Variants in SPATA7 observed in about 807,000 individuals in gnomAD.
SPATA7 encodes the protein spermatogenesis-associated protein 7.
Under a neutral mutation model 51.8 loss-of-function variants are expected in SPATA7, and 43 were observed. The observed-to-expected ratio is 0.83, with a 90% CI of 0.65 to 1.07. The LOEUF (loss-of-function observed/expected upper bound fraction) is 1.07. SPATA7 is among the 50% of genes least tolerant of loss of function. The pLI, the probability that SPATA7 is intolerant of heterozygous loss-of-function variation, is 0.00. For synonymous variants in SPATA7, 230 were observed against 252.8 expected (o/e 0.91, Z 0.86); for missense variants, 683 against 701.3 (o/e 0.97, Z 0.30).
At chr14:88,436,375 T>C (rs1390951387) in intron 10 of SPATA7, among the ~76,000 whole-genome samples, 1 of 152,200 alleles carries the variant, frequency 6.6e-6, no homozygotes, top group Non-Finnish European at 1.5e-5. Context: ...ATTCTGTGGA[T>C]TGTCTCTTCA....
In SPATA7 at chr14:88,438,013, G is replaced by T; in HGVS notation, c.1391G>T (p.Arg464Leu). The T allele has an allele frequency of 1.2e-6, 2 of 1,614,018 alleles. No homozygotes were observed. The highest frequency in any genetic ancestry group is 1.7e-6 in the Non-Finnish European group (2 of 1,179,990). ...NESEVTIQQE[R>L]QQYQKALDML... ...AGTGAAGTAACAATTCAGCAGGAAC[G>T]TCAACAATACCAAAAGGCTTTGGAT... The change falls in exon 12 of 12, where the codon CGT (arginine) becomes CTT (leucine). Residue 464 changes from arginine to leucine, a missense_variant. Arg to Leu is a moderately radical substitution (Grantham distance 102). Transcript: ENST00000393545.
chr14:88,454,449 G>C (rs185596889), intron 3 of SPATA7, among the ~76,000 whole-genome samples: 252 of 152,266 alleles, frequency 1.7e-3, no homozygotes, highest in Non-Finnish European at 3.0e-3. Context: ...TTAGGATATG[G>C]ACATATCTGG....
intron 8 of SPATA7, among the ~76,000 whole-genome samples, chr14:88,430,657 T>C (rs2076915357): frequency 1.3e-5 from 2 of 152,146 alleles, no homozygotes; most frequent in Non-Finnish European, 2.9e-5. Context: ...GTAGTGTAGT[T>C]TTAAAAAGAA....
In SPATA7 at chr14:88,438,415, A is replaced by T. The variant is rs1456797595; in HGVS notation, c.1793A>T (p.Asp598Val). The T allele has an allele frequency of 6.2e-7, 1 of 1,610,960 alleles. No individual in the cohort carries two copies. Among genetic ancestry groups the T allele is most frequent in the Admixed American group, 1.7e-5 (1 of 59,930 alleles). The change falls in exon 12 of 12, where the codon GAT (aspartate) becomes GTT (valine). Residue 598 changes from aspartate (D) to valine (V), a missense_variant. Transcript: ENST00000393545. ...ATGAGCATTGAGGACTGCCCTTTGG[A>T]TGTTTAATCTTCATTAATAAATACC... The part of the protein sequence containing the change: ...MEMSIEDCPL[D>V]V
At chr14:88,404,645 AG>A (rs2076157071) in intron 4 of SPATA7, among the ~76,000 whole-genome samples, 1 of 152,058 alleles carries the variant, frequency 6.6e-6, no homozygotes. Flanking sequence ...TGAACCCGGG[AG>A]GGGGAGGTTG....
intron 1 of SPATA7, 93 bp downstream of exon 1, chr14:88,385,930 C>CTTCCTTGGG (rs1156615189): frequency 1.4e-6 from 2 of 1,395,866 alleles, no homozygotes; most frequent in Non-Finnish European, 1.9e-6. Flanking sequence ...TGCAAGGCCG[C>CTTCCTTGGG]CCCTTGGGGC....
chr14:88,437,073 C>CT lies in SPATA7; in HGVS notation c.1161-458dup, dbSNP rs771890040. 8.9e-3 allele frequency among the ~76,000 whole-genome samples: 1,225 copies of CT among 137,830 alleles called. 7 individuals carry two copies. The highest frequency in any genetic ancestry group is 0.019 in the African/African-American group (735 of 38,250). 90.4% of individuals were successfully genotyped at this position (137,830 alleles called of 152,430 possible). A position where few individuals can be genotyped will look rare whatever the true frequency, so the allele number is the denominator to read the frequency against. ...AATCCATGAATTTGGAATATTTTTC[C>CT]TTTTTTTTTTTTGGTGTCCTTTTCC... On this transcript the variant is annotated intron_variant, in intron 10 of 11. Transcript: ENST00000393545.
At chr14:88,468,574 T>C (rs971174294) in intron 4 of SPATA7, among the ~76,000 whole-genome samples, 2 of 152,212 alleles carry the variant, frequency 1.3e-5, no homozygotes, top group African/African-American at 4.8e-5. Context: ...GTGTGCTAAG[T>C]GCTATCAGTA....
At chr14:88,434,602 T>G (rs1216408168) in intron 10 of SPATA7, among the ~76,000 whole-genome samples, 1 of 151,346 alleles carries the variant, frequency 6.6e-6, no homozygotes, top group Non-Finnish European at 1.5e-5. Context: ...GGAGAATCGC[T>G]TGAACCCCGC....
chr14:88,434,687 G>GAAAAAAAAAAAA (rs552414869), intron 10 of SPATA7, among the ~76,000 whole-genome samples: 1 of 56,960 alleles, frequency 1.8e-5, no homozygotes, highest in Admixed American at 1.7e-4. Flanking sequence ...CTCTGTCTCA[G>GAAAAAAAAAAAA]AAAAAAAAAA....
chr14:88,436,643 G>T (rs754941726), intron 10 of SPATA7, among the ~76,000 whole-genome samples: 1 of 151,998 alleles, frequency 6.6e-6, no homozygotes, highest in Admixed American at 6.6e-5. Flanking sequence ...TTTGCATATG[G>T]GTATCCAGTT....
intron 1 of SPATA7, among the ~76,000 whole-genome samples, chr14:88,390,255 ATT>A (rs71126981): frequency 0.037 from 5,305 of 144,658 alleles, 297 homozygotes; most frequent in African/African-American, 0.13. Flanking sequence ...TAAAATGGGA[ATT>A]TTTTTTTTTT....
At chr14:88,410,936 C>G (rs1426469157) in intron 4 of SPATA7, among the ~76,000 whole-genome samples, 1 of 152,214 alleles carries the variant, frequency 6.6e-6, no homozygotes, top group Admixed American at 6.5e-5. Context: ...CTCTTCAGAG[C>G]TGGCAGGCAG....
At chr14:88,423,096 A>G (rs1424863600) in intron 5 of SPATA7, among the ~76,000 whole-genome samples, 4 of 152,018 alleles carry the variant, frequency 2.6e-5, no homozygotes, top group Admixed American at 1.3e-4. Flanking sequence ...GAACCCTCCT[A>G]AGCCCTTCCA....
intron 10 of SPATA7, among the ~76,000 whole-genome samples, chr14:88,435,708 C>T (rs1384107711): frequency 2.0e-5 from 3 of 152,134 alleles, no homozygotes; most frequent in Non-Finnish European, 4.4e-5. Flanking sequence ...AGGCTCATTT[C>T]ACTTAATATA....
At chr14:88,444,151 T>C (rs928281440) in intron 3 of SPATA7, among the ~76,000 whole-genome samples, 54 of 151,888 alleles carry the variant, frequency 3.6e-4, no homozygotes, top group Non-Finnish European at 5.6e-4. Context: ...ACCTGTTGTT[T>C]CCTGACTTTT....
chr14:88,390,919 CT>C (rs1163494407), intron 1 of SPATA7, among the ~76,000 whole-genome samples: 1 of 152,154 alleles, frequency 6.6e-6, no homozygotes, highest in Non-Finnish European at 1.5e-5. Context: ...CCTTCCTGCA[CT>C]CTGACCTGTG....
At chr14:88,459,171 TGTG>T (rs1219478075), downstream of SPATA7, among the ~76,000 whole-genome samples, 3 of 152,204 alleles carry the variant, frequency 2.0e-5, no homozygotes, top group Non-Finnish European at 2.9e-5. Context: ...ATAAGGGCAA[TGTG>T]GTGCTGAGAA....
intron 10 of SPATA7, among the ~76,000 whole-genome samples, chr14:88,434,907 T>C (rs1360278663): frequency 6.6e-6 from 1 of 151,764 alleles, no homozygotes; most frequent in Admixed American, 6.6e-5. Flanking sequence ...AACTCTGAGG[T>C]TGGTTCATAA....
Sources: gnomAD v4.1 joint callset for allele counts (sites outside exome capture counted in the v4.1 genomes callset) on GRCh38, gnomAD v4.1.1 for gene constraint, MANE v1.5 for transcripts, NCBI Gene and HGNC (gene_info 2026-07-23, HGNC 2026-07-21) for gene names.